The following CHD9 variants were observed in gnomAD, a reference collection of about 807,000 sequenced individuals.
CHD9 encodes the protein chromodomain helicase DNA binding protein 9, also known as ATP-dependent chromatin remodeler CHD9.
Under a neutral mutation model 316.1 loss-of-function variants are expected in CHD9, and 77 were observed. The ratio of observed to expected loss-of-function variants is 0.24; its 90% CI spans 0.20 to 0.29. CHD9 has a LOEUF of 0.29. Among genes scored for constraint, CHD9 ranks in the 10% least tolerant of loss-of-function variants. The probability of loss-of-function intolerance (pLI) is 1.00; values close to 1 mark genes in which losing one functional copy is unlikely to be tolerated. For missense variants in CHD9, 2,763 were observed against 3,438.1 expected (o/e 0.80, Z 4.91); for synonymous variants, 1,129 against 1,158.3 (o/e 0.97, Z 0.51).
chr16:53,172,066 T>C (rs901021022), intron 2 of CHD9, among the ~76,000 whole-genome samples: 4 of 152,174 alleles, frequency 2.6e-5, no homozygotes, highest in African/African-American at 9.7e-5. Context: ...ACAGAACATA[T>C]TTAAAGTATA....
chr16:53,311,435 A>G (rs2056468640), intron 34 of CHD9: 1 of 152,190 alleles, frequency 6.6e-6, no homozygotes, highest in Non-Finnish European at 1.5e-5. Flanking sequence ...AAATAAAACA[A>G]TGTATATAAA....
At position 53,287,890 on chromosome 16, in the gene CHD9, C is replaced by T. The variant is rs2054018195; in HGVS notation, c.5190-67C>T. 2.3e-6 allele frequency: 3 copies of T among 1,290,308 alleles called. No individual in the cohort carries two copies. The East Asian group carries it at 6.9e-5, about 30-fold the overall frequency. 79.9% of individuals were successfully genotyped at this position (1,290,308 alleles called of 1,614,324 possible). ...AACAAACTAAAACCCTCCAACAAGA[C>T]TTTGTCCTATCAAGTGAAATCTTAA... On this transcript the variant is annotated intron_variant, in intron 26 of 38. Transcript: ENST00000447540.
At chr16:53,074,979 A>G (rs1229535080) in intron 1 of CHD9, among the ~76,000 whole-genome samples, 1 of 152,194 alleles carries the variant, frequency 6.6e-6, no homozygotes, top group African/African-American at 2.4e-5. Flanking sequence ...GCCACAGACA[A>G]CACCAGCCTG....
At chr16:53,065,638 T>TAAAA (rs68025976) in intron 1 of CHD9, among the ~76,000 whole-genome samples, 8,094 of 103,294 alleles carry the variant, frequency 0.078, 630 homozygotes, top group African/African-American at 0.19. Context: ...TGTCTTAAAT[T>TAAAA]AAAAAAAAAA....
At chr16:53,091,018 C>T (rs953988287) in intron 1 of CHD9, among the ~76,000 whole-genome samples, 26 of 152,174 alleles carry the variant, frequency 1.7e-4, no homozygotes, top group Admixed American at 1.1e-3. Context: ...CCCGACTGAC[C>T]GCGGTGAGGC....
rs1237834630 is a variant in CHD9, at chr16:53,245,098, TG to T, written c.3055-237del. Among the ~76,000 whole-genome samples the T allele has an allele frequency of 6.6e-6, 1 of 152,010 alleles. No homozygotes were observed. The highest frequency in any genetic ancestry group is 1.9e-4 in the East Asian group (1 of 5,190). ...TTTATTCTAATCATTGTAATTATGT[TG>T]TATGTGTAATGCTGAACTATGATGG... is the stretch of plus-strand genomic sequence containing the variant. On this transcript the variant is annotated intron_variant, in intron 13 of 38. Transcript: ENST00000447540. This position sits in a 1 kb window ranked among gnomAD's most constrained non-coding sequence, Gnocchi z 4.1.
intron 1 of CHD9, among the ~76,000 whole-genome samples, chr16:53,079,979 AT>A (rs2034876482): frequency 6.6e-6 from 1 of 152,214 alleles, no homozygotes; most frequent in Non-Finnish European, 1.5e-5. Context: ...GGAGGGGGGC[AT>A]GGGGACCTCC....
intron 1 of CHD9, among the ~76,000 whole-genome samples, chr16:53,141,082 A>G (rs558669830): frequency 1.3e-5 from 2 of 152,214 alleles, no homozygotes; most frequent in African/African-American, 4.8e-5. Flanking sequence ...AAAACCTTAC[A>G]TGAAAGCTCA....
At chr16:53,283,492 C>A (rs1429133299) in intron 24 of CHD9, among the ~76,000 whole-genome samples, 1 of 152,172 alleles carries the variant, frequency 6.6e-6, no homozygotes, top group East Asian at 1.9e-4. Flanking sequence ...CCTTCCACCT[C>A]AGATGGTAAT....
rs376657531 is a variant in CHD9 at position 53,157,332 on chromosome 16, C to A, written c.1243C>A (p.Leu415Ile). The change falls in exon 2 of 39, where the codon CTT (leucine) becomes ATT (isoleucine). Residue 415 changes from leucine to isoleucine, a missense_variant. Around this residue, in one of 15 missense-constraint regions of CHD9, gnomAD observed 859 missense variants for 890.4 expected, o/e 0.96. Transcript: ENST00000447540. ...DPEDLLQEGL[L>I]PHFDESTFGQ... ...CGAGGACCTCCTTCAGGAGGGTCTT[C>A]TTCCTCACTTTGATGAGTCAACATT... 2 of 1,613,666 alleles carry A rather than the reference C, an allele frequency of 1.2e-6. No homozygotes were observed. Among genetic ancestry groups the A allele is most frequent in the Non-Finnish European group, 1.7e-6 (2 of 1,179,780 alleles).
At chr16:53,209,438 A>G (rs1473677525) in intron 2 of CHD9, 44 bp from the exon 3 acceptor site, 3 of 1,255,630 alleles carry the variant, frequency 2.4e-6, no homozygotes, top group Non-Finnish European at 3.3e-6. Context: ...ATTGTTTTAG[A>G]TGTACTTTGG....
At chr16:53,114,086 TA>T (rs201295051) in intron 1 of CHD9, among the ~76,000 whole-genome samples, 4,087 of 142,128 alleles carry the variant, frequency 0.029, 139 homozygotes, top group African/African-American at 0.085. Flanking sequence ...GTTTTTTCTT[TA>T]AAAAAAAAAA....
rs1172661716 is a variant in CHD9, at chr16:53,138,853, A to C, written c.-164-17073A>C. Among the ~76,000 whole-genome samples, 4 of 152,334 alleles carry C rather than the reference A, an allele frequency of 2.6e-5. No homozygotes were observed. The Middle Eastern group carries it at 0.01, about 389-fold the overall frequency. On this transcript the variant is annotated intron_variant, in intron 1 of 38. Coordinates refer to ENST00000447540, the MANE Select transcript of CHD9 (RefSeq NM_001308319.2). ...TGGAGGCAACAGATCACTTATTTTC[A>C]ATATTTGGCATTGAATGGAAGAATA...
chr16:53,232,816 A>T (rs963339781), intron 10 of CHD9, among the ~76,000 whole-genome samples: 2 of 152,212 alleles, frequency 1.3e-5, no homozygotes, highest in African/African-American at 4.8e-5. Context: ...ACCTGTATTA[A>T]GTAGCAGCAG....
Position 53,307,938 on chromosome 16 carries a change from A to C in CHD9, c.7038A>C (p.Thr2346=), listed in dbSNP as rs1209109051. The C allele has an allele frequency of 6.9e-6, 11 of 1,605,690 alleles. No homozygotes were observed. The highest frequency in any genetic ancestry group is 9.4e-6 in the Non-Finnish European group (11 of 1,176,020). Residue 2346 remains threonine (T), a synonymous_variant, in exon 33 of 39, where the codon ACA becomes ACC. Coordinates refer to ENST00000447540, the MANE Select transcript of CHD9 (RefSeq NM_001308319.2). Reference sequence around the variant, plus strand: ...AGCATGTACGAGAAAAGGAGTTTACAGTGAAAATCAAAGACGTATGTGTAT... The same window carrying C: ...AGCATGTACGAGAAAAGGAGTTTACCGTGAAAATCAAAGACGTATGTGTAT... ...VKKHVREKEF[T]VKIKDEGGLK...
chr16:53,147,667 T>C (rs2040740884), intron 1 of CHD9, among the ~76,000 whole-genome samples: 1 of 152,236 alleles, frequency 6.6e-6, no homozygotes, highest in African/African-American at 2.4e-5. Context: ...GGTTCATCCA[T>C]GTTGTGGCAT....
chr16:53,292,948 G>A lies in CHD9; in HGVS notation c.5406G>A (p.Gln1802=), dbSNP rs2287078. The change falls in exon 29 of 39, where the codon CAG becomes CAA. Residue 1802 remains glutamine, a synonymous_variant. Transcript: ENST00000447540. ...GTACTAATAAAAACAGACAAATTCA[G>A]CAGATACAACCGACTTTCTCGGTGC... ...YQRTNKNRQI[Q]QIQPTFSVPT... 507,940 of 1,613,330 alleles carry A rather than the reference G, an allele frequency of 0.31. 81,478 individuals carry two copies. Among genetic ancestry groups the A allele is most frequent in the Middle Eastern group, 0.38 (2,325 of 6,062 alleles).
intron 2 of CHD9, among the ~76,000 whole-genome samples, chr16:53,172,207 C>T (rs1368548871): frequency 5.9e-5 from 9 of 152,096 alleles, no homozygotes; most frequent in Non-Finnish European, 1.0e-4. Flanking sequence ...TCCTCCTTCG[C>T]GCACCCAGAC....
At chr16:53,287,620 G>A (rs1021218080) in intron 26 of CHD9, among the ~76,000 whole-genome samples, 2 of 152,090 alleles carry the variant, frequency 1.3e-5, no homozygotes, top group African/African-American at 4.8e-5. Context: ...CCAGCTACTC[G>A]GGAGGCTGAG....
Sources: gnomAD v4.1 joint callset for allele counts (sites outside exome capture counted in the v4.1 genomes callset) on GRCh38, gnomAD v4.1.1 for gene constraint, gnomAD v4.1.1 regional missense constraint, Gnocchi (gnomAD v3.1) non-coding constraint, MANE v1.5 for transcripts, NCBI Gene and HGNC (gene_info 2026-07-23, HGNC 2026-07-21) for gene names.